TIAM1: variants seen among roughly 807,000 people sequenced by gnomAD.
The protein encoded by TIAM1 is rho guanine nucleotide exchange factor TIAM1.
A neutral mutation model predicts 163.5 loss-of-function variants in TIAM1; 65 were observed. That is an observed-to-expected ratio of 0.40 (90% confidence interval 0.33 to 0.49). TIAM1 has a LOEUF of 0.49. TIAM1 is among the 20% of genes least tolerant of loss of function. TIAM1 has a pLI of 0.77. For synonymous variants in TIAM1, 833 were observed against 810.1 expected, an observed-to-expected ratio of 1.03 and a Z score of -0.48; for missense variants, 1,789 against 2,044.7, an observed-to-expected ratio of 0.87 and a Z score of 2.41.
intron 23 of TIAM1, among the ~76,000 whole-genome samples, chr21:31,132,508 C>G (rs1568884219): frequency 6.6e-6 from 1 of 152,172 alleles, no homozygotes; most frequent in African/African-American, 2.4e-5. Context: ...CTTCAGAAAT[C>G]AGAGAGGCTG....
intron 1 of TIAM1, among the ~76,000 whole-genome samples, chr21:31,524,016 CA>C (rs201873084): frequency 9.4e-4 from 130 of 138,624 alleles, no homozygotes; most frequent in African/African-American, 8.4e-4. Context: ...GACCCCAACT[CA>C]AAAAAAAAAA....
intron 2 of TIAM1, among the ~76,000 whole-genome samples, chr21:31,412,580 G>A (rs544744814): frequency 5.3e-5 from 8 of 151,998 alleles, no homozygotes; most frequent in East Asian, 1.9e-4. Flanking sequence ...TCAGGAGTTC[G>A]AGACCAACCT....
At chr21:31,335,693 A>G (rs1407481561) in intron 2 of TIAM1, among the ~76,000 whole-genome samples, 2 of 147,162 alleles carry the variant, frequency 1.4e-5, no homozygotes, top group African/African-American at 2.7e-5. Flanking sequence ...TGACAGAGCG[A>G]GACTCTGTCT....
At chr21:31,530,170 C>G (rs925641459) in intron 1 of TIAM1, among the ~76,000 whole-genome samples, 3 of 152,222 alleles carry the variant, frequency 2.0e-5, no homozygotes, top group Admixed American at 6.5e-5. Context: ...CTGGGAAGGT[C>G]TCCTCTGAAT....
chr21:31,186,551 C>T (rs1037274227), intron 14 of TIAM1, among the ~76,000 whole-genome samples: 4 of 152,094 alleles, frequency 2.6e-5, no homozygotes, highest in Non-Finnish European at 4.4e-5. Context: ...ACAGGAGGAT[C>T]GCTTGAGCCC....
chr21:31,241,858 A>C (rs779759650), intron 6 of TIAM1, among the ~76,000 whole-genome samples: 2 of 152,118 alleles, frequency 1.3e-5, no homozygotes, highest in African/African-American at 2.4e-5. Flanking sequence ...TATTTTTAAA[A>C]AATCAGCCAG....
chr21:31,351,852 G>A (rs1045229879), intron 2 of TIAM1, among the ~76,000 whole-genome samples: 3 of 152,148 alleles, frequency 2.0e-5, no homozygotes, highest in African/African-American at 7.2e-5. Context: ...CAGATCACCT[G>A]AGGTCAGGAG....
At position 31,168,097 on chromosome 21, in the gene TIAM1, T is replaced by A. The variant is rs528699745; in HGVS notation, c.2888-3032A>T. Reference sequence around the variant, plus strand: ...TTTCTTCCCTGAGATTCTTATTATTTTTTTTTTTTTTTGGAGACGTAGTTT... The same window carrying A: ...TTTCTTCCCTGAGATTCTTATTATTATTTTTTTTTTTTGGAGACGTAGTTT... On this transcript the variant is annotated intron_variant, in intron 15 of 27. Coordinates refer to ENST00000541036, the MANE Select transcript of TIAM1 (RefSeq NM_001353694.2). Among the ~76,000 whole-genome samples the A allele has an allele frequency of 7.2e-3, 1,083 of 150,552 alleles. 8 individuals are homozygous for A. The highest frequency in any genetic ancestry group is 0.011 in the Non-Finnish European group (723 of 67,632).
Position 31,203,032 on chromosome 21 carries a change from A to C in TIAM1, c.2389-20T>G, listed in dbSNP as rs1458368727. Reference sequence around the variant, plus strand: ...ATGTGTCTGGGACAAAAAAGAAAGAAAGAAAGAAAATGTCTGTTCAATAGT... The same window carrying C: ...ATGTGTCTGGGACAAAAAAGAAAGACAGAAAGAAAATGTCTGTTCAATAGT... On this transcript the variant is annotated intron_variant, in intron 11 of 27. Transcript: ENST00000541036. 3.8e-6 allele frequency: 6 copies of C among 1,593,672 alleles called. No homozygotes were observed. Among genetic ancestry groups the C allele is most frequent in the Non-Finnish European group, 5.2e-6 (6 of 1,163,290 alleles).
intron 6 of TIAM1, among the ~76,000 whole-genome samples, chr21:31,227,203 C>G (rs534645088): frequency 6.6e-6 from 1 of 152,078 alleles, no homozygotes; most frequent in African/African-American, 2.4e-5. Context: ...GTGATCCACC[C>G]GCCTCGGCCT....
chr21:31,437,844 CCTCTT>C (rs2044266499), intron 2 of TIAM1, among the ~76,000 whole-genome samples: 2 of 152,182 alleles, frequency 1.3e-5, no homozygotes, highest in Non-Finnish European at 2.9e-5. Flanking sequence ...GCCAATTAAA[CCTCTT>C]CTCTTTATAA....
intron 15 of TIAM1, among the ~76,000 whole-genome samples, chr21:31,177,173 T>C (rs893065604): frequency 3.3e-5 from 5 of 152,200 alleles, no homozygotes; most frequent in Non-Finnish European, 7.3e-5. Context: ...AATGCTTTAC[T>C]TTTATGCCTC....
intron 14 of TIAM1, 45 bp from the exon 15 acceptor site, chr21:31,182,690 A>G: frequency 1.3e-6 from 2 of 1,567,330 alleles, no homozygotes; most frequent in Non-Finnish European, 1.7e-6. Flanking sequence ...ACACATTATC[A>G]GAACACAACA....
rs1482914312 is a variant in TIAM1, at chr21:31,120,857, T to C, written c.4307-20A>G. 1 of 1,563,928 alleles carries C rather than the reference T, an allele frequency of 6.4e-7. No homozygotes were observed. Among genetic ancestry groups the C allele is most frequent in the South Asian group, 1.2e-5 (1 of 83,776 alleles). On this transcript the variant is annotated intron_variant, in intron 27 of 27. Transcript: ENST00000541036. The surrounding 1 kb of genome is among the most constrained non-coding windows in gnomAD (Gnocchi z 4.2). The stretch of plus-strand genomic sequence containing the variant: ...CAGACACTGCACACACACACAAAAA[T>C]ATAAAAATAAAACCCCCACATGCTT...
chr21:31,288,647 A>G (rs182027426), intron 2 of TIAM1, among the ~76,000 whole-genome samples: 84 of 152,302 alleles, frequency 5.5e-4, no homozygotes, highest in African/African-American at 1.8e-3. Flanking sequence ...AAAAACTTAG[A>G]TCAGGGAGGA....
chr21:31,269,769 T>C (rs1601775130), intron 3 of TIAM1, among the ~76,000 whole-genome samples: 1 of 151,598 alleles, frequency 6.6e-6, no homozygotes, highest in Non-Finnish European at 1.5e-5. Context: ...CCTCCCAGGT[T>C]CACGCCATTC....
chr21:31,307,315 A>C (rs2074750671), intron 2 of TIAM1, among the ~76,000 whole-genome samples: 1 of 152,166 alleles, frequency 6.6e-6, no homozygotes, highest in Non-Finnish European at 1.5e-5. Flanking sequence ...GTGCAAATTC[A>C]GGGCTTTGCT....
At chr21:31,511,125 C>T (rs558491269) in intron 1 of TIAM1, among the ~76,000 whole-genome samples, 130 of 152,300 alleles carry the variant, frequency 8.5e-4, no homozygotes, top group African/African-American at 3.1e-3. Context: ...ACCAATGCCG[C>T]GGGCACCCTG....
At chr21:31,483,308 A>G (rs185485292) in intron 1 of TIAM1, among the ~76,000 whole-genome samples, 19 of 152,234 alleles carry the variant, frequency 1.2e-4, no homozygotes, top group Admixed American at 1.0e-3. Flanking sequence ...ACTGCACCCC[A>G]CGCTTCAACC....
Sources: gnomAD v4.1 joint callset for allele counts (sites outside exome capture counted in the v4.1 genomes callset) on GRCh38, gnomAD v4.1.1 for gene constraint, Gnocchi (gnomAD v3.1) non-coding constraint, MANE v1.5 for transcripts, NCBI Gene and HGNC (gene_info 2026-07-23, HGNC 2026-07-21) for gene names.